GPC5: variants seen among roughly 807,000 people sequenced by gnomAD.
The protein encoded by GPC5 is glypican-5.
A neutral mutation model predicts 53.9 loss-of-function variants in GPC5; 47 were observed. The ratio of observed to expected loss-of-function variants is 0.87; its 90% confidence interval spans 0.69 to 1.11. The LOEUF is 1.11. GPC5 is among the 50% of genes most tolerant of loss of function. The pLI, the probability that GPC5 is intolerant of heterozygous loss-of-function variation, is 0.00. For synonymous variants in GPC5, 286 were observed against 263.3 expected (o/e 1.09, Z -0.84); for missense variants, 748 against 713.1 (o/e 1.05, Z -0.56).
At chr13:92,291,464 A>G (rs2042995277) in intron 7 of GPC5, among the ~76,000 whole-genome samples, 1 of 152,162 alleles carries the variant, frequency 6.6e-6, no homozygotes, top group Non-Finnish European at 1.5e-5. Flanking sequence ...CACTGTATCT[A>G]GCTAATCTAG....
chr13:91,701,895 A>G (rs1243799654), intron 3 of GPC5, among the ~76,000 whole-genome samples: 1 of 152,084 alleles, frequency 6.6e-6, no homozygotes, highest in Non-Finnish European at 1.5e-5. Context: ...ACACCTGTAC[A>G]AAGTAACATT....
chr13:92,795,132 C>T (rs1393111912), intron 7 of GPC5, among the ~76,000 whole-genome samples: 2 of 152,138 alleles, frequency 1.3e-5, no homozygotes, highest in East Asian at 3.9e-4. Context: ...TGACTTCAAA[C>T]TGTACTACGA....
chr13:92,831,519 A>G (rs1032670472), intron 7 of GPC5, among the ~76,000 whole-genome samples: 3 of 152,190 alleles, frequency 2.0e-5, no homozygotes, highest in African/African-American at 7.2e-5. Context: ...TTCAGTGATT[A>G]TTCAATTATT....
rs146260151 is a variant in GPC5, at chr13:92,773,196, T to C, written c.1562-93086T>C. Among the ~76,000 whole-genome samples, 434 of 152,322 alleles carry C rather than the reference T, an allele frequency of 2.8e-3. 2 individuals are homozygous for C. The highest frequency in any genetic ancestry group is 9.6e-3 in the African/African-American group (400 of 41,576). On this transcript the variant is annotated intron_variant, in intron 7 of 7. Transcript: ENST00000377067. ...GCTTCTGAAATAAATACACATTCTC[T>C]TTAATACTTACTATCAGCTTACATG...
intron 7 of GPC5, among the ~76,000 whole-genome samples, chr13:92,475,529 T>C (rs567454405): frequency 1.3e-5 from 2 of 151,450 alleles, no homozygotes; most frequent in Admixed American, 1.3e-4. Flanking sequence ...ATAAGAATGC[T>C]TGTGATTTTT....
In GPC5 at chr13:91,693,385, A is replaced by G. The variant is rs1340685386; in HGVS notation, c.524A>G (p.Tyr175Cys). 6.2e-7 allele frequency: 1 copy of G among 1,614,100 alleles called. No homozygotes were observed. The highest frequency in any genetic ancestry group is 8.5e-7 in the Non-Finnish European group (1 of 1,180,016). Residue 175 changes from tyrosine (Y) to cysteine (C), a missense_variant, in exon 3 of 8, where the codon TAC becomes TGC. Physicochemically the swap from Tyr to Cys is radical, Grantham distance 194. Transcript: ENST00000377067. ...TTTGACAGTCTTTTTCCTCTGGTCT[A>G]CAACCACCTCATTAACCCTGGTGTG... ...RFFDSLFPLVYNHLINPGVTD... is the reference protein window; with the variant it reads ...RFFDSLFPLVCNHLINPGVTD...
At chr13:92,601,487 G>A (rs906929738) in intron 7 of GPC5, among the ~76,000 whole-genome samples, 2 of 149,404 alleles carry the variant, frequency 1.3e-5, no homozygotes, top group African/African-American at 4.9e-5. Context: ...CCCAGGAAGC[G>A]GAGGTTGCAG....
At chr13:91,782,450 C>A (rs1417860033) in intron 5 of GPC5, among the ~76,000 whole-genome samples, 1 of 152,072 alleles carries the variant, frequency 6.6e-6, no homozygotes, top group Non-Finnish European at 1.5e-5. Flanking sequence ...CTTCACATGG[C>A]GCCAGGAAAG....
rs141245154 is a variant in GPC5 at position 92,549,258 on chromosome 13, A to T, written c.1562-317024A>T. On this transcript the variant is annotated intron_variant, in intron 7 of 7. Coordinates refer to ENST00000377067, the MANE Select transcript of GPC5 (RefSeq NM_004466.6). ...AAAAATAGGAAAGGGAACCATACCT[A>T]CTAAACTGCCACTAATTTCTGTGTG... Among the ~76,000 whole-genome samples, 607 of 152,280 alleles carry T rather than the reference A, an allele frequency of 4.0e-3. 7 individuals carry two copies. Among genetic ancestry groups the T allele is most frequent in the African/African-American group, 0.014 (590 of 41,576 alleles).
intron 7 of GPC5, among the ~76,000 whole-genome samples, chr13:92,190,665 T>C (rs1057233636): frequency 1.3e-5 from 2 of 152,164 alleles, no homozygotes; most frequent in African/African-American, 4.8e-5. Flanking sequence ...TGGATTCATT[T>C]AAAATGTATA....
At chr13:91,682,575 G>T (rs2035532292) in intron 2 of GPC5, among the ~76,000 whole-genome samples, 1 of 152,154 alleles carries the variant, frequency 6.6e-6, no homozygotes, top group South Asian at 2.1e-4. Context: ...ATGTACAGAG[G>T]CCCCTCATGG....
At chr13:91,632,092 CTG>C (rs1332096372) in intron 2 of GPC5, among the ~76,000 whole-genome samples, 3 of 152,114 alleles carry the variant, frequency 2.0e-5, no homozygotes, top group African/African-American at 7.2e-5. Context: ...GTCCAGGACA[CTG>C]TGGAGAGATG....
intron 7 of GPC5, among the ~76,000 whole-genome samples, chr13:92,730,856 G>A (rs956654696): frequency 6.6e-6 from 1 of 151,250 alleles, no homozygotes; most frequent in African/African-American, 2.4e-5. Context: ...ATCCCAAATG[G>A]GCAAGTACCA....
intron 7 of GPC5, among the ~76,000 whole-genome samples, chr13:92,420,262 A>G (rs552810641): frequency 6.6e-6 from 1 of 152,328 alleles, no homozygotes; most frequent in East Asian, 1.9e-4. Context: ...TATACTCAGT[A>G]TCCAGCCTAA....
chr13:91,921,993 C>A (rs1044114002), intron 6 of GPC5, among the ~76,000 whole-genome samples: 2 of 151,688 alleles, frequency 1.3e-5, no homozygotes, highest in Non-Finnish European at 2.9e-5. Flanking sequence ...GAAACCAAAA[C>A]AAAACTTTGC....
intron 7 of GPC5, among the ~76,000 whole-genome samples, chr13:92,538,011 A>C (rs913409722): frequency 5.3e-5 from 8 of 152,122 alleles, no homozygotes; most frequent in African/African-American, 1.9e-4. Context: ...AGAAGCTTAA[A>C]GAAGAATGAG....
At chr13:92,801,852 T>C (rs991009673) in intron 7 of GPC5, among the ~76,000 whole-genome samples, 1 of 151,896 alleles carries the variant, frequency 6.6e-6, no homozygotes, top group African/African-American at 2.4e-5. Flanking sequence ...TGTACAACTA[T>C]ACAATGTGTT....
chr13:92,485,780 A>T lies in GPC5; in HGVS notation c.1561+340791A>T, dbSNP rs533908477. Among the ~76,000 whole-genome samples the T allele has an allele frequency of 2.0e-3, 309 of 152,300 alleles. 2 individuals carry two copies. Among genetic ancestry groups the T allele is most frequent in the Non-Finnish European group, 3.9e-3 (263 of 68,028 alleles). The stretch of plus-strand genomic sequence containing the variant: ...CACCTGAGGTCAGGAGCTTGAGACC[A>T]GCCTGGCTAACATGGTGAAACCCTG... On this transcript the variant is annotated intron_variant, in intron 7 of 7. Transcript: ENST00000377067.
In GPC5 at chr13:91,650,750, G is replaced by GTTTTTTTT. The variant is rs67507888; in HGVS notation, c.326-42422_326-42415dup. ...CATCTGTGAAACAAAATTCCCATAA[G>GTTTTTTTT]TTTTTTTTTTTTTTTTTTTTTTAGC... On this transcript the variant is annotated intron_variant, in intron 2 of 7. Coordinates refer to ENST00000377067, the MANE Select transcript of GPC5 (RefSeq NM_004466.6). Among the ~76,000 whole-genome samples, 67 of 99,590 alleles carry GTTTTTTTT rather than the reference G, an allele frequency of 6.7e-4. 1 individual carries two copies. The highest frequency in any genetic ancestry group is 2.5e-3 in the African/African-American group (61 of 24,664). 65.3% of individuals were successfully genotyped at this position (99,590 alleles called of 152,430 possible).
Sources: allele counts gnomAD v4.1 joint callset (sites outside exome capture counted in the v4.1 genomes callset), GRCh38; gene constraint gnomAD v4.1.1; transcripts MANE v1.5; gene names NCBI Gene and HGNC (gene_info 2026-07-23, HGNC 2026-07-21).